The following CHN2 variants were observed in gnomAD, a reference collection of about 807,000 sequenced individuals.
CHN2 encodes chimerin 2, also known as beta-chimaerin.
A neutral mutation model predicts 56.3 loss-of-function variants in CHN2; 35 were observed. That is an observed-to-expected ratio of 0.62 (90% CI 0.47 to 0.82). The LOEUF is 0.82. CHN2 is among the 40% of genes least tolerant of loss of function. The pLI is 0.00. For missense variants in CHN2, 491 were observed against 580.5 expected, an observed-to-expected ratio of 0.85 and a Z score of 1.58; for synonymous variants, 210 against 212.8, an observed-to-expected ratio of 0.99 and a Z score of 0.12.
intron 1 of CHN2, among the ~76,000 whole-genome samples, chr7:29,326,123 G>T (rs1390578279): frequency 8.3e-6 from 1 of 120,198 alleles, no homozygotes; most frequent in African/African-American, 2.8e-5. Flanking sequence ...CGATTTTAGA[G>T]AAATTATTGT....
intron 10 of CHN2, 28 bp downstream of exon 10, chr7:29,504,849 CT>C (rs1562670526): frequency 6.7e-7 from 1 of 1,495,824 alleles, no homozygotes; most frequent in South Asian, 1.1e-5. Context: ...TGAATGCCAT[CT>C]GACATCCTAA....
intron 6 of CHN2, among the ~76,000 whole-genome samples, chr7:29,446,924 C>T (rs1476009114): frequency 6.6e-6 from 1 of 152,130 alleles, no homozygotes; most frequent in Non-Finnish European, 1.5e-5. Flanking sequence ...CACACTTAGC[C>T]CTATCTGAGC....
In CHN2 at chr7:29,478,022, A is replaced by G. The variant is rs566363173; in HGVS notation, c.577-2257A>G. Among the ~76,000 whole-genome samples, 83 of 152,364 alleles carry G rather than the reference A, an allele frequency of 5.4e-4. 1 individual carries two copies. The highest frequency in any genetic ancestry group is 2.0e-3 in the African/African-American group (82 of 41,578). ...GTGTGGCAGGGATAAGAGCTGTTAT[A>G]GTCACTATAATACAAGACAGAAAGT... On this transcript the variant is annotated intron_variant, in intron 6 of 12. Coordinates refer to ENST00000222792, the MANE Select transcript of CHN2 (RefSeq NM_004067.4).
chr7:29,363,371 G>C (rs1040022099), intron 2 of CHN2, among the ~76,000 whole-genome samples: 1 of 152,204 alleles, frequency 6.6e-6, no homozygotes, highest in African/African-American at 2.4e-5. Context: ...TGTAGTCCCA[G>C]CTACTCGGGA....
chr7:29,166,260 C>A (rs1209551331), intron 2 of CHN2, among the ~76,000 whole-genome samples: 1 of 152,124 alleles, frequency 6.6e-6, no homozygotes, highest in Non-Finnish European at 1.5e-5. Flanking sequence ...TCTCAAACTC[C>A]TGGCCTCAAT....
chr7:29,265,435 A>G (rs1436809533), intron 1 of CHN2, among the ~76,000 whole-genome samples: 1 of 152,178 alleles, frequency 6.6e-6, no homozygotes, highest in Non-Finnish European at 1.5e-5. Context: ...TGCTCTTTTG[A>G]GTTTGACTTC....
intron 2 of CHN2, among the ~76,000 whole-genome samples, chr7:29,363,191 A>G (rs896997809): frequency 3.9e-5 from 6 of 152,210 alleles, no homozygotes; most frequent in African/African-American, 1.4e-4. Context: ...TATGCATTAA[A>G]CATGTACTAC....
At chr7:29,442,201 A>T (rs1052231777) in intron 6 of CHN2, among the ~76,000 whole-genome samples, 2 of 152,236 alleles carry the variant, frequency 1.3e-5, no homozygotes, top group Non-Finnish European at 2.9e-5. Flanking sequence ...TCTCAAATTT[A>T]AAAATCTGGA....
At chr7:29,356,276 A>T (rs1233476387) in intron 2 of CHN2, among the ~76,000 whole-genome samples, 1 of 152,216 alleles carries the variant, frequency 6.6e-6, no homozygotes, top group Non-Finnish European at 1.5e-5. Context: ...ACACACACAT[A>T]AATACACATA....
chr7:29,493,313 G>C (rs1788862853), intron 7 of CHN2, among the ~76,000 whole-genome samples: 1 of 152,146 alleles, frequency 6.6e-6, no homozygotes, highest in Non-Finnish European at 1.5e-5. Context: ...TACGCTCTAT[G>C]ATGATCCCCC....
intron 3 of CHN2, among the ~76,000 whole-genome samples, chr7:29,378,379 G>T (rs1476171471): frequency 6.6e-6 from 1 of 152,216 alleles, no homozygotes; most frequent in Non-Finnish European, 1.5e-5. Flanking sequence ...TGTGTTTTGA[G>T]CTAAGAATAA....
At chr7:29,408,980 A>T (rs1043303096) in intron 6 of CHN2, among the ~76,000 whole-genome samples, 1 of 152,204 alleles carries the variant, frequency 6.6e-6, no homozygotes, top group African/African-American at 2.4e-5. Flanking sequence ...TTACATGCTG[A>T]TGACACAAAG....
At chr7:29,364,858 C>T (rs1188315803) in intron 2 of CHN2, among the ~76,000 whole-genome samples, 2 of 151,986 alleles carry the variant, frequency 1.3e-5, no homozygotes, top group African/African-American at 4.8e-5. Context: ...CTTTTTATTC[C>T]CTGAAGGTAA....
chr7:29,373,219 C>G (rs533108835), intron 3 of CHN2, among the ~76,000 whole-genome samples: 2 of 151,280 alleles, frequency 1.3e-5, no homozygotes, highest in Non-Finnish European at 2.9e-5. Context: ...TTGTCGCCCC[C>G]GAGCTGGAGT....
chr7:29,319,900 C>T lies in CHN2; in HGVS notation c.50-34725C>T, dbSNP rs1562915347. ...TTGTCGTGACCAGTGCCTTTGTGCCCCTTCCCCTCCCCGACCTCACTGGCC... is the reference window on the plus strand; with the variant it reads ...TTGTCGTGACCAGTGCCTTTGTGCCTCTTCCCCTCCCCGACCTCACTGGCC... On this transcript the variant is annotated intron_variant, in intron 1 of 12. Coordinates refer to ENST00000222792, the MANE Select transcript of CHN2 (RefSeq NM_004067.4). 3.9e-5 allele frequency among the ~76,000 whole-genome samples: 6 copies of T among 152,218 alleles called. No individual in the cohort carries two copies. In the South Asian group the frequency reaches 1.0e-3, roughly 26 times the overall value.
At chr7:29,379,851 A>G (rs1800356297) in intron 3 of CHN2, among the ~76,000 whole-genome samples, 1 of 152,250 alleles carries the variant, frequency 6.6e-6, no homozygotes, top group African/African-American at 2.4e-5. Flanking sequence ...CTGAAAAAGC[A>G]TAGTTGAAAG....
At chr7:29,468,901 A>G (rs10951226) in intron 6 of CHN2, among the ~76,000 whole-genome samples, 46,027 of 151,946 alleles carry the variant, frequency 0.3, 7,556 homozygotes, top group Non-Finnish European at 0.35. Flanking sequence ...GCTCTTCTCT[A>G]TCTGCACTAA....
At chr7:29,496,577 A>G (rs1012407289) in intron 8 of CHN2, among the ~76,000 whole-genome samples, 2 of 152,170 alleles carry the variant, frequency 1.3e-5, no homozygotes, top group African/African-American at 4.8e-5. Context: ...AAGGAATAGA[A>G]TATTGATTCA....
intron 9 of CHN2, among the ~76,000 whole-genome samples, chr7:29,502,838 T>A (rs1333154605): frequency 1.3e-5 from 2 of 152,116 alleles, no homozygotes; most frequent in Non-Finnish European, 2.9e-5. Flanking sequence ...CCTATCAACC[T>A]GTCATCTAAG....
Sources: gnomAD v4.1 joint callset for allele counts (sites outside exome capture counted in the v4.1 genomes callset) on GRCh38, gnomAD v4.1.1 for gene constraint, MANE v1.5 for transcripts, NCBI Gene and HGNC (gene_info 2026-07-23, HGNC 2026-07-21) for gene names.